WWTR1: variants seen among roughly 807,000 people sequenced by gnomAD.
The protein encoded by WWTR1 is WW domain containing transcription regulator 1, also known as WW domain-containing transcription regulator protein 1.
In WWTR1, 13 loss-of-function variants were observed where a neutral mutation model predicts 40.1. The observed-to-expected ratio is 0.32, with a 90% CI of 0.21 to 0.52. WWTR1 has a LOEUF of 0.52. WWTR1 is among the 20% of genes least tolerant of loss of function. The pLI is 0.97. For synonymous variants in WWTR1, 230 were observed against 210.1 expected, an observed-to-expected ratio of 1.09 and a Z score of -0.82; for missense variants, 436 against 523.1, an observed-to-expected ratio of 0.83 and a Z score of 1.63.
At chr3:149,705,417 C>A (rs775230926), upstream of WWTR1, among the ~76,000 whole-genome samples, 14 of 152,140 alleles carry the variant, frequency 9.2e-5, no homozygotes, top group South Asian at 4.2e-4. Context: ...ACCAAGAATT[C>A]AAATGTCAGA....
At chr3:149,683,352 T>C (rs1295437180) in intron 1 of WWTR1, among the ~76,000 whole-genome samples, 2 of 152,184 alleles carry the variant, frequency 1.3e-5, no homozygotes, top group Non-Finnish European at 2.9e-5. Flanking sequence ...CTTTCTAGAT[T>C]CCAGAGGTGT....
At chr3:149,577,514 C>T (rs1737941923) in intron 2 of WWTR1, among the ~76,000 whole-genome samples, 1 of 152,074 alleles carries the variant, frequency 6.6e-6, no homozygotes, top group Non-Finnish European at 1.5e-5. Context: ...TCTCTCAGTC[C>T]CAGAAAGACC....
At chr3:149,532,814 G>A (rs4681524) in intron 4 of WWTR1, among the ~76,000 whole-genome samples, 79,303 of 152,062 alleles carry the variant, frequency 0.52, 21,949 homozygotes, top group South Asian at 0.68. Context: ...AAAGGCAAAC[G>A]TCTGACTTAG....
intron 2 of WWTR1, among the ~76,000 whole-genome samples, chr3:149,577,369 C>G (rs1369629884): frequency 6.6e-6 from 1 of 152,110 alleles, no homozygotes; most frequent in Non-Finnish European, 1.5e-5. Context: ...AAAGAAAAAT[C>G]CTCTACAAGT....
intron 2 of WWTR1, among the ~76,000 whole-genome samples, chr3:149,595,786 A>G (rs1165419304): frequency 6.6e-6 from 1 of 152,142 alleles, no homozygotes; most frequent in Non-Finnish European, 1.5e-5. Flanking sequence ...TAATCCCTGC[A>G]CTTTGGGAGG....
At chr3:149,568,733 G>A (rs908462018) in intron 3 of WWTR1, among the ~76,000 whole-genome samples, 1 of 152,110 alleles carries the variant, frequency 6.6e-6, no homozygotes, top group East Asian at 1.9e-4. Context: ...TGATTTACAA[G>A]TCGCATTACA....
chr3:149,591,351 T>C (rs1025722598), intron 2 of WWTR1, among the ~76,000 whole-genome samples: 1 of 152,336 alleles, frequency 6.6e-6, no homozygotes, highest in Admixed American at 6.5e-5. Context: ...AGCCAGTCTC[T>C]GATAGTAACT....
chr3:149,524,241 A>G (rs532227482), intron 6 of WWTR1, among the ~76,000 whole-genome samples: 1 of 151,980 alleles, frequency 6.6e-6, no homozygotes, highest in African/African-American at 2.4e-5. Flanking sequence ...TTAATTCCAC[A>G]TTACGGCTTC....
At chr3:149,596,508 C>T (rs1388258027) in intron 2 of WWTR1, among the ~76,000 whole-genome samples, 1 of 152,092 alleles carries the variant, frequency 6.6e-6, no homozygotes, top group African/African-American at 2.4e-5. Context: ...CTCTGTGGCT[C>T]GCTGACCTCA....
intron 1 of WWTR1, among the ~76,000 whole-genome samples, chr3:149,675,005 AC>A (rs1714215147): frequency 6.6e-6 from 1 of 152,192 alleles, no homozygotes; most frequent in Non-Finnish European, 1.5e-5. Context: ...ATGTGGGGAG[AC>A]CAGTTGGTAA....
intron 2 of WWTR1, among the ~76,000 whole-genome samples, chr3:149,668,309 G>T (rs1268112078): frequency 6.6e-6 from 1 of 152,132 alleles, no homozygotes; most frequent in Admixed American, 6.5e-5. Flanking sequence ...CCTAAGGATA[G>T]ATTTTTGGGG....
At chr3:149,684,570 T>A (rs1012731834) in intron 1 of WWTR1, among the ~76,000 whole-genome samples, 1 of 151,996 alleles carries the variant, frequency 6.6e-6, no homozygotes, top group African/African-American at 2.4e-5. Flanking sequence ...TCTTTTTTTT[T>A]TTTTCCTTTT....
At chr3:149,571,113 T>C (rs1053665770) in intron 3 of WWTR1, among the ~76,000 whole-genome samples, 1 of 151,054 alleles carries the variant, frequency 6.6e-6, no homozygotes, top group African/African-American at 2.4e-5. Flanking sequence ...TGATTAAACA[T>C]ACACACACAC....
rs575347389 is a variant in WWTR1, at chr3:149,622,782, C to T, written c.431+34094G>A. ...GTGCATGCCTGTAGTCCCAGCTACT[C>T]GGGAGGCTGAGGGAGAAGGATCACT... On this transcript the variant is annotated intron_variant, in intron 2 of 6. Transcript: ENST00000360632. 9.9e-5 allele frequency among the ~76,000 whole-genome samples: 15 copies of T among 152,154 alleles called. No individual in the cohort carries two copies. In the East Asian group the frequency reaches 1.4e-3, roughly 14 times the overall value.
chr3:149,550,028 G>A (rs1404096671), intron 3 of WWTR1, among the ~76,000 whole-genome samples: 1 of 152,066 alleles, frequency 6.6e-6, no homozygotes, highest in East Asian at 1.9e-4. Flanking sequence ...TAACAACAGG[G>A]GAAACTGGGT....
chr3:149,587,513 A>G (rs1738485672), intron 2 of WWTR1, among the ~76,000 whole-genome samples: 1 of 152,170 alleles, frequency 6.6e-6, no homozygotes, highest in Non-Finnish European at 1.5e-5. Flanking sequence ...TGTAATACAA[A>G]CATTTCTGTC....
chr3:149,682,323 T>C (rs758049678), intron 1 of WWTR1, among the ~76,000 whole-genome samples: 1 of 152,158 alleles, frequency 6.6e-6, no homozygotes, highest in Non-Finnish European at 1.5e-5. Flanking sequence ...ATCCCTAAAG[T>C]CAGATGTTTT....
chr3:149,565,030 G>C (rs914731624), intron 3 of WWTR1, among the ~76,000 whole-genome samples: 5 of 151,948 alleles, frequency 3.3e-5, no homozygotes, highest in South Asian at 2.1e-4. Context: ...CTACTAAAAA[G>C]TACAAAAATT....
intron 2 of WWTR1, among the ~76,000 whole-genome samples, chr3:149,587,453 G>A (rs1259033015): frequency 2.0e-5 from 3 of 152,140 alleles, no homozygotes; most frequent in South Asian, 2.1e-4. Context: ...GGTGGGAAGC[G>A]CCGGCAGATG....
Sources: allele counts gnomAD v4.1 joint callset (sites outside exome capture counted in the v4.1 genomes callset), GRCh38; gene constraint gnomAD v4.1.1; transcripts MANE v1.5; gene names NCBI Gene and HGNC (gene_info 2026-07-23, HGNC 2026-07-21).